Variants in MATCAP2 observed in about 807,000 individuals in gnomAD.
The protein encoded by MATCAP2 is putative tyrosine carboxypeptidase MATCAP2.
chr7:36,376,992 GTC>G, the MATCAP2 span, among the ~76,000 whole-genome samples: 1 of 151,770 alleles, frequency 6.6e-6, no homozygotes, highest in Non-Finnish European at 1.5e-5. Context: ...GCCTATGTTT[GTC>G]TCTGCATTTG....
At chr7:36,339,277 T>A in the MATCAP2 span, among the ~76,000 whole-genome samples, 4 of 152,194 alleles carry the variant, frequency 2.6e-5, no homozygotes. Flanking sequence ...AAAATATACA[T>A]TACTAATAAG....
the MATCAP2 span, among the ~76,000 whole-genome samples, chr7:36,379,272 G>A: frequency 6.6e-6 from 1 of 152,162 alleles, no homozygotes; most frequent in African/African-American, 2.4e-5. Context: ...AAGTCAGTGG[G>A]GCTGATGAGA....
chr7:36,367,217 C>G, the MATCAP2 span: 1 of 1,154,084 alleles, frequency 8.7e-7, no homozygotes, highest in Non-Finnish European at 1.1e-6. Context: ...CGTGACGTAG[C>G]CGCTCCGCCG....
the MATCAP2 span, chr7:36,355,071 G>C: frequency 6.6e-6 from 1 of 152,052 alleles, no homozygotes; most frequent in Non-Finnish European, 1.5e-5. Context: ...AGCATCAGGG[G>C]GAAAATGCAA....
chr7:36,390,317 G>A, the MATCAP2 span: 4 of 527,722 alleles, frequency 7.6e-6, no homozygotes, highest in African/African-American at 1.9e-5. Context: ...TTCAGCCCCC[G>A]TTTTTACCAT....
chr7:36,331,899 T>C, the MATCAP2 span, among the ~76,000 whole-genome samples: 2 of 152,174 alleles, frequency 1.3e-5, no homozygotes, highest in Non-Finnish European at 2.9e-5. Context: ...ATGAGGATGA[T>C]TTAAAAAATT....
the MATCAP2 span, among the ~76,000 whole-genome samples, chr7:36,343,266 G>A: frequency 1.4e-5 from 2 of 145,548 alleles, no homozygotes; most frequent in Non-Finnish European, 3.0e-5. Context: ...CAAGGTAGGA[G>A]GACCACTTGA....
chr7:36,343,025 T>C, the MATCAP2 span, among the ~76,000 whole-genome samples: 2 of 152,084 alleles, frequency 1.3e-5, no homozygotes, highest in South Asian at 2.1e-4. Flanking sequence ...ATGAAGAACA[T>C]ACCTCTGAAA....
At chr7:36,335,102 A>G in the MATCAP2 span, 1 of 1,614,038 alleles carries the variant, frequency 6.2e-7, no homozygotes, top group Non-Finnish European at 8.5e-7. Context: ...GGACACATTG[A>G]TAGTCAGAGT....
At chr7:36,351,129 G>C in the MATCAP2 span, among the ~76,000 whole-genome samples, 1 of 152,224 alleles carries the variant, frequency 6.6e-6, no homozygotes, top group East Asian at 1.9e-4. Context: ...GGGTGTGGTA[G>C]CTCACGCCTG....
chr7:36,379,841 C>CAGAGAGAGAGAGAGAG, the MATCAP2 span, among the ~76,000 whole-genome samples: 456 of 127,338 alleles, frequency 3.6e-3, 2 homozygotes, highest in Admixed American at 0.023. Context: ...CACACACACA[C>CAGAGAGAGAGAGAGAG]ACACACAGAG....
chr7:36,357,234 C>A, the MATCAP2 span: 1 of 1,614,170 alleles, frequency 6.2e-7, no homozygotes, highest in Non-Finnish European at 8.5e-7. Context: ...GGACTTGACA[C>A]TGAACTAGTG....
At chr7:36,333,066 G>A in the MATCAP2 span, among the ~76,000 whole-genome samples, 1 of 152,198 alleles carries the variant, frequency 6.6e-6, no homozygotes, top group African/African-American at 2.4e-5. Context: ...GGGAAGGGGT[G>A]GCAGTGGGCA....
the MATCAP2 span, chr7:36,368,313 G>A: frequency 6.6e-6 from 1 of 152,088 alleles, no homozygotes; most frequent in African/African-American, 2.4e-5. Context: ...TTCAAACTCA[G>A]GAACAAAAGA....
the MATCAP2 span, among the ~76,000 whole-genome samples, chr7:36,354,027 C>CT: frequency 6.6e-6 from 1 of 152,162 alleles, no homozygotes; most frequent in Admixed American, 6.5e-5. Context: ...CCTTCCTTAG[C>CT]ACCTATGAAG....
the MATCAP2 span, among the ~76,000 whole-genome samples, chr7:36,343,872 G>C: frequency 2.6e-5 from 4 of 152,012 alleles, no homozygotes; most frequent in African/African-American, 9.7e-5. Context: ...AAATGGTTCA[G>C]AGAAATACTC....
At chr7:36,377,023 C>T in the MATCAP2 span, among the ~76,000 whole-genome samples, 7 of 152,160 alleles carry the variant, frequency 4.6e-5, no homozygotes, top group African/African-American at 1.7e-4. Context: ...CTCCTGAATA[C>T]AGCACACTGA....
chr7:36,328,420 AC>A, the MATCAP2 span, among the ~76,000 whole-genome samples: 2,994 of 151,658 alleles, frequency 0.02, 96 homozygotes, highest in African/African-American at 0.069. Flanking sequence ...TCTGATCAAT[AC>A]TCTTCCAGGC....
At chr7:36,366,898 G>A in the MATCAP2 span, 2 of 1,467,876 alleles carry the variant, frequency 1.4e-6, no homozygotes. Flanking sequence ...GCCGCGGCCA[G>A]CCCTTCCCGG....
Sources: gnomAD v4.1 joint callset for allele counts (sites outside exome capture counted in the v4.1 genomes callset) on GRCh38, gnomAD v4.1.1 for gene constraint, MANE v1.5 for transcripts, NCBI Gene and HGNC (gene_info 2026-07-23, HGNC 2026-07-21) for gene names.